The following PLXNA4 variants were observed in gnomAD, a reference collection of about 807,000 sequenced individuals.
PLXNA4 encodes plexin A4.
PLXNA4 carries 44 observed loss-of-function variants against 191.8 expected under a neutral mutation model. The observed-to-expected ratio is 0.23, with a 90% CI of 0.18 to 0.29. The LOEUF (loss-of-function observed/expected upper bound fraction) is 0.29, where lower values mean the gene tolerates loss of function less well. Among genes scored for constraint, PLXNA4 ranks in the 10% least tolerant of loss-of-function variants. The probability of loss-of-function intolerance (pLI) is 1.00; values close to 1 mark genes in which losing one functional copy is unlikely to be tolerated. For missense variants in PLXNA4, 1,800 were observed against 2,488.8 expected, an observed-to-expected ratio of 0.72 and a Z score of 5.89; for synonymous variants, 1,082 against 1,009.5, an observed-to-expected ratio of 1.07 and a Z score of -1.36.
intron 1 of PLXNA4, among the ~76,000 whole-genome samples, chr7:132,535,999 C>T (rs79938812): frequency 0.013 from 1,920 of 152,278 alleles, 18 homozygotes; most frequent in Middle Eastern, 0.044. Context: ...ATCTCTGCTC[C>T]CACCTCTCTC....
At chr7:132,332,524 C>T (rs1381361634) in intron 3 of PLXNA4, among the ~76,000 whole-genome samples, 1 of 152,062 alleles carries the variant, frequency 6.6e-6, no homozygotes, top group Non-Finnish European at 1.5e-5. Flanking sequence ...ACTGGGATTC[C>T]TAAATCCCTC....
At chr7:132,410,544 G>A (rs1446470658) in intron 3 of PLXNA4, among the ~76,000 whole-genome samples, 1 of 152,190 alleles carries the variant, frequency 6.6e-6, no homozygotes, top group African/African-American at 2.4e-5. Flanking sequence ...ATTACGTCAT[G>A]TGCTCTGTAA....
intron 3 of PLXNA4, among the ~76,000 whole-genome samples, chr7:132,343,117 T>C (rs1803104250): frequency 6.6e-6 from 1 of 152,070 alleles, no homozygotes; most frequent in Admixed American, 6.5e-5. Flanking sequence ...TTTTTTTTTT[T>C]TAAGGTTAGG....
rs569173747 is a variant in PLXNA4, at chr7:132,471,331, G to A, written c.1371+17961C>T. Among the ~76,000 whole-genome samples, 5 of 152,206 alleles carry A rather than the reference G, an allele frequency of 3.3e-5. No individual in the cohort carries two copies. The East Asian group carries it at 5.8e-4, about 18-fold the overall frequency. ...TATTTCTTTATAGCAATGCAAGAACGGTGTAATACAAATAGACCGTTGTGT... is the reference window on the plus strand; with the variant it reads ...TATTTCTTTATAGCAATGCAAGAACAGTGTAATACAAATAGACCGTTGTGT... On this transcript the variant is annotated intron_variant, in intron 3 of 31. Transcript: ENST00000321063.
intron 4 of PLXNA4, among the ~76,000 whole-genome samples, chr7:132,295,647 C>G (rs1204825089): frequency 1.3e-5 from 2 of 152,172 alleles, no homozygotes; most frequent in Admixed American, 6.5e-5. Context: ...CTGATGCGCT[C>G]TCCCCCGGGA....
At chr7:132,201,052 G>A (rs770983869) in intron 12 of PLXNA4, among the ~76,000 whole-genome samples, 1 of 152,148 alleles carries the variant, frequency 6.6e-6, no homozygotes, top group Non-Finnish European at 1.5e-5. Flanking sequence ...ATTTGAAGGA[G>A]ACCATTAGGA....
intron 4 of PLXNA4, among the ~76,000 whole-genome samples, chr7:132,247,317 C>T (rs917470796): frequency 3.3e-5 from 5 of 152,170 alleles, no homozygotes; most frequent in South Asian, 2.1e-4. Context: ...GCTAATGCAA[C>T]GATGGCTACA....
intron 4 of PLXNA4, among the ~76,000 whole-genome samples, chr7:132,252,067 T>C (rs569356706): frequency 4.3e-4 from 66 of 152,268 alleles, no homozygotes; most frequent in Non-Finnish European, 7.2e-4. Flanking sequence ...CGTTTCACCC[T>C]ATCTCCTGTC....
chr7:132,552,430 A>G (rs185235743), intron 1 of PLXNA4, among the ~76,000 whole-genome samples: 10 of 152,306 alleles, frequency 6.6e-5, no homozygotes, highest in African/African-American at 2.2e-4. Context: ...CACAAGCAGT[A>G]GCTGGAAGTA....
intron 3 of PLXNA4, among the ~76,000 whole-genome samples, chr7:132,301,128 T>C (rs1801289545): frequency 6.6e-6 from 1 of 152,152 alleles, no homozygotes; most frequent in Non-Finnish European, 1.5e-5. Flanking sequence ...GCGAGAAATA[T>C]GTAACTGGAA....
At chr7:132,544,272 GGA>G (rs1800201474) in intron 1 of PLXNA4, among the ~76,000 whole-genome samples, 1 of 152,184 alleles carries the variant, frequency 6.6e-6, no homozygotes, top group South Asian at 2.1e-4. Flanking sequence ...CCCTCCCAGA[GGA>G]GAGATGATTT....
intron 4 of PLXNA4, among the ~76,000 whole-genome samples, chr7:132,283,833 C>T (rs557919200): frequency 1.3e-5 from 2 of 152,294 alleles, no homozygotes; most frequent in South Asian, 2.1e-4. Flanking sequence ...ATTCATAATA[C>T]CCATTAGTAT....
At chr7:132,485,963 AG>A (rs1189996356) in intron 3 of PLXNA4, among the ~76,000 whole-genome samples, 2 of 152,184 alleles carry the variant, frequency 1.3e-5, no homozygotes, top group African/African-American at 4.8e-5. Flanking sequence ...TTTTGAGAGC[AG>A]CCCACGGATA....
chr7:132,271,060 G>A (rs1800050273), intron 4 of PLXNA4: 1 of 152,056 alleles, frequency 6.6e-6, no homozygotes, highest in African/African-American at 2.4e-5. Flanking sequence ...TATAACTGCT[G>A]CACCAAAAGA....
chr7:132,275,281 T>A (rs906726165), intron 4 of PLXNA4, among the ~76,000 whole-genome samples: 1 of 152,202 alleles, frequency 6.6e-6, no homozygotes, highest in African/African-American at 2.4e-5. Flanking sequence ...AAAGAGATGT[T>A]CCATGTACCC....
At chr7:132,370,854 C>A (rs951185147) in intron 3 of PLXNA4, among the ~76,000 whole-genome samples, 1 of 152,172 alleles carries the variant, frequency 6.6e-6, no homozygotes, top group Admixed American at 6.5e-5. Flanking sequence ...GTGGGCATAC[C>A]ACGTCCCAGG....
intron 3 of PLXNA4, among the ~76,000 whole-genome samples, chr7:132,308,710 C>A (rs1438106033): frequency 6.6e-6 from 1 of 152,128 alleles, no homozygotes; most frequent in African/African-American, 2.4e-5. Context: ...AATAACAATA[C>A]CTCATTGTTA....
At chr7:132,483,775 T>C (rs1229832072) in intron 3 of PLXNA4, among the ~76,000 whole-genome samples, 1 of 152,234 alleles carries the variant, frequency 6.6e-6, no homozygotes, top group Non-Finnish European at 1.5e-5. Context: ...CTTTAAATCA[T>C]GTGCACTAGC....
chr7:132,581,906 A>C (rs546364094), upstream of PLXNA4, among the ~76,000 whole-genome samples: 11 of 152,186 alleles, frequency 7.2e-5, no homozygotes, highest in East Asian at 1.4e-3. Context: ...AAACAAACAA[A>C]ACTTGTCTTT....
Sources: gnomAD v4.1 joint callset for allele counts (sites outside exome capture counted in the v4.1 genomes callset) on GRCh38, gnomAD v4.1.1 for gene constraint, MANE v1.5 for transcripts, NCBI Gene and HGNC (gene_info 2026-07-23, HGNC 2026-07-21) for gene names.